The following THEMIS variants were observed in gnomAD, a reference collection of about 807,000 sequenced individuals.
THEMIS encodes the protein protein THEMIS.
A neutral mutation model predicts 52.6 loss-of-function variants in THEMIS; 37 were observed. The observed-to-expected ratio is 0.70, with a 90% confidence interval of 0.54 to 0.93. The LOEUF is 0.93. Among genes scored for constraint, THEMIS ranks in the 40% least tolerant of loss-of-function variants. The probability of loss-of-function intolerance (pLI) is 0.00; values close to 1 mark genes in which losing one functional copy is unlikely to be tolerated. For missense variants in THEMIS, 808 were observed against 763.1 expected, an observed-to-expected ratio of 1.06 and a Z score of -0.69; for synonymous variants, 292 against 272.7, an observed-to-expected ratio of 1.07 and a Z score of -0.70.
intron 4 of THEMIS, among the ~76,000 whole-genome samples, chr6:127,767,696 T>G (rs1014992496): frequency 5.3e-5 from 8 of 152,182 alleles, no homozygotes; most frequent in African/African-American, 1.7e-4. Context: ...AGGAATATAC[T>G]CTAGAATAAT....
At chr6:127,810,289 T>C (rs750025963) in intron 4 of THEMIS, among the ~76,000 whole-genome samples, 2 of 152,142 alleles carry the variant, frequency 1.3e-5, no homozygotes, top group African/African-American at 2.4e-5. Flanking sequence ...CAATTCTGTA[T>C]TGCTAGATAC....
the THEMIS span, among the ~76,000 whole-genome samples, chr6:127,699,889 CTTGTG>C: frequency 2.0e-5 from 3 of 151,796 alleles, no homozygotes; most frequent in East Asian, 1.9e-4. Context: ...CTCTTCATGA[CTTGTG>C]TTGGGCAAAT....
intron 4 of THEMIS, among the ~76,000 whole-genome samples, chr6:127,804,502 G>A (rs560907651): frequency 2.6e-5 from 4 of 152,276 alleles, no homozygotes; most frequent in South Asian, 2.1e-4. Context: ...CTGGTATAGC[G>A]CCAGCTCAGT....
chr6:127,849,391 A>G (rs995308281), intron 2 of THEMIS, among the ~76,000 whole-genome samples: 2 of 151,984 alleles, frequency 1.3e-5, no homozygotes, highest in African/African-American at 2.4e-5. Flanking sequence ...TTGGCTTAGG[A>G]TTGACTTGGC....
At chr6:127,885,656 A>G (rs1283520650) in intron 1 of THEMIS, among the ~76,000 whole-genome samples, 1 of 152,120 alleles carries the variant, frequency 6.6e-6, no homozygotes, top group African/African-American at 2.4e-5. Flanking sequence ...TTTTGCAGGA[A>G]CAAGAAATAG....
intron 4 of THEMIS, among the ~76,000 whole-genome samples, chr6:127,782,701 G>A (rs540555643): frequency 6.6e-5 from 10 of 152,194 alleles, no homozygotes; most frequent in East Asian, 1.9e-4. Context: ...CACCTTCTGC[G>A]TAGATCTCGC....
Position 127,813,338 on chromosome 6 carries a change from C to G in THEMIS, c.1303G>C (p.Val435Leu), listed in dbSNP as rs1344677692. Residue 435 changes from valine (V) to leucine (L), a missense_variant, in exon 4 of 6, where the codon GTA becomes CTA. By Grantham distance (32) the Val-to-Leu change is conservative. Coordinates refer to ENST00000368248, the MANE Select transcript of THEMIS (RefSeq NM_001010923.3). ...LLPLYMEGGF[V>L]EVIHDKKQYP... ...TGTTTCTTATCATGAATCACCTCTACAAAACCTCCTTCCATGTACAAAGGG... is the reference window on the plus strand; with the variant it reads ...TGTTTCTTATCATGAATCACCTCTAGAAAACCTCCTTCCATGTACAAAGGG... The G allele has an allele frequency of 8.1e-6, 13 of 1,614,026 alleles. No homozygotes were observed. Among genetic ancestry groups the G allele is most frequent in the Non-Finnish European group, 1.0e-5 (12 of 1,180,032 alleles).
At chr6:127,767,444 T>G (rs565001046) in intron 4 of THEMIS, among the ~76,000 whole-genome samples, 40 of 152,040 alleles carry the variant, frequency 2.6e-4, no homozygotes, top group Non-Finnish European at 4.7e-4. Flanking sequence ...ATGTTTAAAA[T>G]TTTTATTTTT....
chr6:127,879,770 C>G (rs1236508368), intron 1 of THEMIS, among the ~76,000 whole-genome samples: 2 of 152,052 alleles, frequency 1.3e-5, no homozygotes, highest in African/African-American at 4.8e-5. Flanking sequence ...GAAGCTGCCT[C>G]TGGCCTTCCG....
chr6:127,890,188 C>G (rs1780760423), intron 1 of THEMIS, among the ~76,000 whole-genome samples: 1 of 152,050 alleles, frequency 6.6e-6, no homozygotes, highest in Non-Finnish European at 1.5e-5. Flanking sequence ...AGCTGTCATT[C>G]AAAACAAGCA....
At chr6:127,916,797 A>G (rs1392524527) in intron 1 of THEMIS, among the ~76,000 whole-genome samples, 4 of 152,200 alleles carry the variant, frequency 2.6e-5, no homozygotes, top group Admixed American at 1.3e-4. Context: ...ACAGCCAAGG[A>G]CCTCAAATAA....
chr6:127,751,087 G>A (rs558127419), intron 4 of THEMIS, among the ~76,000 whole-genome samples: 17 of 151,548 alleles, frequency 1.1e-4, no homozygotes, highest in Non-Finnish European at 1.5e-4. Context: ...TACAGTGGAG[G>A]TACACGAATA....
At chr6:127,914,144 A>G (rs566573604) in intron 1 of THEMIS, among the ~76,000 whole-genome samples, 24 of 152,302 alleles carry the variant, frequency 1.6e-4, no homozygotes, top group African/African-American at 5.8e-4. Flanking sequence ...TGCATGAAAC[A>G]AAGTTTTGAA....
chr6:127,848,359 C>A (rs948310989), intron 2 of THEMIS, among the ~76,000 whole-genome samples: 5 of 151,892 alleles, frequency 3.3e-5, no homozygotes, highest in Admixed American at 6.6e-5. Flanking sequence ...ACTCTTTGCT[C>A]TTGTGAATAG....
chr6:127,863,237 G>A (rs1022055070), intron 1 of THEMIS, among the ~76,000 whole-genome samples: 17 of 152,048 alleles, frequency 1.1e-4, no homozygotes, highest in African/African-American at 1.9e-4. Flanking sequence ...ACGATCTCTC[G>A]AATCATTGCA....
At chr6:127,870,341 T>C (rs1401478657) in intron 1 of THEMIS, among the ~76,000 whole-genome samples, 1 of 152,162 alleles carries the variant, frequency 6.6e-6, no homozygotes, top group African/African-American at 2.4e-5. Flanking sequence ...GAATCCTCAC[T>C]TCCTAAAGTG....
intron 3 of THEMIS, among the ~76,000 whole-genome samples, chr6:127,822,145 A>C (rs1778362255): frequency 6.6e-6 from 1 of 151,942 alleles, no homozygotes. Context: ...CCACTCAATG[A>C]ATTGTTTAGT....
chr6:127,698,426 T>C, the THEMIS span, among the ~76,000 whole-genome samples: 1 of 152,090 alleles, frequency 6.6e-6, no homozygotes, highest in South Asian at 2.1e-4. Flanking sequence ...TTAGGAAGAA[T>C]GTAAGGACAA....
intron 4 of THEMIS, among the ~76,000 whole-genome samples, chr6:127,745,537 T>A (rs1775358434): frequency 6.6e-6 from 1 of 151,848 alleles, no homozygotes; most frequent in Admixed American, 6.6e-5. Flanking sequence ...ACTGGTCTGT[T>A]GCTATCAACA....
Sources: gnomAD v4.1 joint callset for allele counts (sites outside exome capture counted in the v4.1 genomes callset) on GRCh38, gnomAD v4.1.1 for gene constraint, MANE v1.5 for transcripts, NCBI Gene and HGNC (gene_info 2026-07-23, HGNC 2026-07-21) for gene names.